CERT1: variants seen among roughly 807,000 people sequenced by gnomAD.
The protein encoded by CERT1 is ceramide transporter 1.
Under a neutral mutation model 87.9 loss-of-function variants are expected in CERT1, and 31 were observed. That is an observed-to-expected ratio of 0.35 (90% confidence interval 0.27 to 0.48). CERT1 has a LOEUF of 0.48. CERT1 is among the 20% of genes least tolerant of loss of function. CERT1 has a pLI of 0.99. For synonymous variants in CERT1, 289 were observed against 250.9 expected (o/e 1.15, Z -1.44); for missense variants, 487 against 758.0 (o/e 0.64, Z 4.20).
chr5:75,426,065 A>G (rs1763606041), intron 4 of CERT1, among the ~76,000 whole-genome samples: 1 of 152,226 alleles, frequency 6.6e-6, no homozygotes, highest in Non-Finnish European at 1.5e-5. Flanking sequence ...AGCACTGATT[A>G]TTAATCTGTG....
At chr5:75,471,641 C>T (rs1357483246) in intron 2 of CERT1, among the ~76,000 whole-genome samples, 1 of 151,750 alleles carries the variant, frequency 6.6e-6, no homozygotes, top group Non-Finnish European at 1.5e-5. Context: ...TGCCTGTAGT[C>T]CCAGCTACTC....
intron 11 of CERT1, among the ~76,000 whole-genome samples, chr5:75,392,877 G>A (rs1425825171): frequency 6.9e-6 from 1 of 145,446 alleles, no homozygotes; most frequent in Non-Finnish European, 1.5e-5. Flanking sequence ...GGCTGTGAAA[G>A]GAGAATAGCG....
chr5:75,411,734 C>A (rs1762941736), intron 7 of CERT1, among the ~76,000 whole-genome samples: 1 of 152,140 alleles, frequency 6.6e-6, no homozygotes, highest in Admixed American at 6.5e-5. Flanking sequence ...TAAATTAGCA[C>A]CTGAAAAATA....
Position 75,426,468 on chromosome 5 carries a change from C to G in CERT1, c.359G>C (p.Gly120Ala). Residue 120 changes from glycine (G) to alanine (A), a missense_variant, in exon 4 of 17, where the codon GGA (glycine) becomes GCA (alanine). By Grantham distance (60) the Gly-to-Ala change is moderately conservative. This residue lies in a region of CERT1 where 173 missense variants were observed against 302.2 expected (regional missense o/e 0.57). Coordinates refer to ENST00000643780, the MANE Select transcript of CERT1 (RefSeq NM_001379029.1). ...DAIEQHKTES[G>A]YGSESSLRRH... is the part of the protein sequence containing the mutation. ...ACGCAAGCTGGATTCAGATCCATATCCAGATTCAGTCTAAAAAAAAAAGTA... is the reference window on the plus strand; with the variant it reads ...ACGCAAGCTGGATTCAGATCCATATGCAGATTCAGTCTAAAAAAAAAAGTA... 6.2e-7 allele frequency: 1 copy of G among 1,609,668 alleles called. No individual in the cohort carries two copies. The highest frequency in any genetic ancestry group is 8.5e-7 in the Non-Finnish European group (1 of 1,177,088).
At chr5:75,485,310 T>TACAAAAAAAAAAAAAAAAAAAAAAAAAAA (rs1766460266) in intron 2 of CERT1, among the ~76,000 whole-genome samples, 1 of 24,330 alleles carries the variant, frequency 4.1e-5, no homozygotes, top group African/African-American at 1.7e-4. Flanking sequence ...TACACAAAAA[T>TACAAAAAAAAAAAAAAAAAAAAAAAAAAA]ACAAAAAAAA....
intron 3 of CERT1, among the ~76,000 whole-genome samples, chr5:75,455,992 C>T (rs981975121): frequency 6.6e-6 from 1 of 152,108 alleles, no homozygotes; most frequent in Non-Finnish European, 1.5e-5. Context: ...GTGTTAGCTC[C>T]TATCATTATC....
Position 75,411,071 on chromosome 5 carries a change from T to C in CERT1, c.870A>G (p.Ala290=), listed in dbSNP as rs1028133480. The C allele has an allele frequency of 6.3e-7, 1 of 1,593,436 alleles. No individual in the cohort carries two copies. Among genetic ancestry groups the C allele is most frequent in the African/African-American group, 1.3e-5 (1 of 74,132 alleles). The change falls in exon 8 of 17, where the codon GCA becomes GCG. Residue 290 remains alanine (A), a synonymous_variant. Coordinates refer to ENST00000643780, the MANE Select transcript of CERT1 (RefSeq NM_001379029.1). ...ETEKKRRTEE[A]YKNAMTELKK... is the part of the protein sequence containing the mutation. ...TAAGTTCTGTCATTGCATTTTTATA[T>C]GCTTCCTCTGTTCTTCTTTTCTTCT...
chr5:75,465,273 A>G (rs781254387), intron 2 of CERT1, among the ~76,000 whole-genome samples: 4 of 152,208 alleles, frequency 2.6e-5, no homozygotes, highest in African/African-American at 4.8e-5. Flanking sequence ...TAGCACCACC[A>G]TCACAATGGA....
intron 2 of CERT1, among the ~76,000 whole-genome samples, chr5:75,463,932 T>C (rs1235797224): frequency 2.6e-5 from 4 of 152,090 alleles, no homozygotes; most frequent in African/African-American, 7.2e-5. Flanking sequence ...TGGCATCTCA[T>C]TGTCCAGATG....
chr5:75,491,633 C>T (rs937436580), intron 2 of CERT1, among the ~76,000 whole-genome samples: 4 of 152,256 alleles, frequency 2.6e-5, no homozygotes, highest in South Asian at 2.1e-4. Context: ...GGTCCCCTTG[C>T]GGCAATGGGG....
intron 16 of CERT1, 136 bp downstream of exon 16, chr5:75,380,936 G>A (rs571351993): frequency 1.1e-6 from 1 of 885,552 alleles, no homozygotes; most frequent in Admixed American, 2.2e-5. Context: ...TAGTAATTCT[G>A]ATATACCTTT....
chr5:75,445,164 T>C (rs577739426), intron 3 of CERT1, among the ~76,000 whole-genome samples: 2 of 152,358 alleles, frequency 1.3e-5, no homozygotes, highest in East Asian at 3.9e-4. Context: ...CCAGTTACAA[T>C]ACTATTAGCT....
Position 75,390,588 on chromosome 5 carries a change from T to C in CERT1, c.1189-901A>G, listed in dbSNP as rs1046210245. 1.7e-4 allele frequency among the ~76,000 whole-genome samples: 26 copies of C among 152,328 alleles called. 1 individual carries two copies. Among genetic ancestry groups the C allele is most frequent in the East Asian group, 1.2e-3 (6 of 5,194 alleles). On this transcript the variant is annotated intron_variant, in intron 11 of 16. Coordinates refer to ENST00000643780, the MANE Select transcript of CERT1 (RefSeq NM_001379029.1). ...CACACTACCAGAATTCTCAGATTTA[T>C]TGGAGAACTGAAGTGATACAAAGAT...
intron 2 of CERT1, among the ~76,000 whole-genome samples, chr5:75,462,644 G>A (rs771534153): frequency 1.3e-4 from 19 of 151,972 alleles, no homozygotes; most frequent in Admixed American, 2.0e-4. Context: ...TGAAAAGAGG[G>A]CTGACAGAGT....
At chr5:75,450,313 G>C (rs982354622) in intron 3 of CERT1, among the ~76,000 whole-genome samples, 1 of 152,046 alleles carries the variant, frequency 6.6e-6, no homozygotes, top group Non-Finnish European at 1.5e-5. Context: ...TCAGGCACGG[G>C]GCTGACCAGC....
At chr5:75,460,995 G>T (rs1409929162) in intron 2 of CERT1, among the ~76,000 whole-genome samples, 1 of 152,168 alleles carries the variant, frequency 6.6e-6, no homozygotes, top group Middle Eastern at 3.2e-3. Context: ...AATACAGAAA[G>T]ACATAAGCGA....
In CERT1 at chr5:75,412,264, C is replaced by T. The variant is rs1205278770; in HGVS notation, c.838-1161G>A. ...CCTATTGGGTAATGTAAGCACCACA[C>T]TTTTGAAAGCGAAAGGGAATGTTAG... On this transcript the variant is annotated intron_variant, in intron 7 of 16. Coordinates refer to ENST00000643780, the MANE Select transcript of CERT1 (RefSeq NM_001379029.1). Among the ~76,000 whole-genome samples, 3 of 152,110 alleles carry T rather than the reference C, an allele frequency of 2.0e-5. No homozygotes were observed. In the East Asian group the frequency reaches 5.8e-4, roughly 29 times the overall value.
intron 2 of CERT1, among the ~76,000 whole-genome samples, chr5:75,477,218 A>T (rs1580825819): frequency 6.6e-6 from 1 of 152,204 alleles, no homozygotes; most frequent in East Asian, 1.9e-4. Context: ...CTTGTAAACC[A>T]TCTTTGTAAG....
At chr5:75,386,371 A>T (rs1044362376) in intron 12 of CERT1, among the ~76,000 whole-genome samples, 2 of 152,214 alleles carry the variant, frequency 1.3e-5, no homozygotes, top group East Asian at 1.9e-4. Context: ...CCTGGCTAGA[A>T]TATATTCTCC....
Sources: allele counts gnomAD v4.1 joint callset (sites outside exome capture counted in the v4.1 genomes callset), GRCh38; gene constraint gnomAD v4.1.1; regional missense constraint gnomAD v4.1.1; transcripts MANE v1.5; gene names NCBI Gene and HGNC (gene_info 2026-07-23, HGNC 2026-07-21).